Variants in CNTNAP2 observed in about 807,000 individuals in gnomAD.
CNTNAP2 encodes contactin-associated protein-like 2.
CNTNAP2 carries 98 observed loss-of-function variants against 155.2 expected under a neutral mutation model. The ratio of observed to expected loss-of-function variants is 0.63; its 90% CI spans 0.54 to 0.75. The LOEUF (loss-of-function observed/expected upper bound fraction) is 0.75. CNTNAP2 is among the 30% of genes least tolerant of loss of function. The probability of loss-of-function intolerance (pLI) is 0.00; values close to 1 mark genes in which losing one functional copy is unlikely to be tolerated. For synonymous variants in CNTNAP2, 651 were observed against 631.2 expected (o/e 1.03, Z -0.47); for missense variants, 1,727 against 1,688.1 (o/e 1.02, Z -0.40).
chr7:148,033,748 A>T (rs143550951), intron 15 of CNTNAP2, among the ~76,000 whole-genome samples: 2 of 152,224 alleles, frequency 1.3e-5, no homozygotes, highest in Non-Finnish European at 2.9e-5. Flanking sequence ...TGCATTTTTT[A>T]TAGTATGTGC....
chr7:147,208,294 A>G (rs1388622950), intron 8 of CNTNAP2, among the ~76,000 whole-genome samples: 4 of 152,014 alleles, frequency 2.6e-5, no homozygotes, highest in African/African-American at 4.8e-5. Context: ...GGTTTCCTAA[A>G]TTGTCAATAT....
intron 12 of CNTNAP2, among the ~76,000 whole-genome samples, chr7:147,564,969 A>G (rs529337363): frequency 1.3e-5 from 2 of 152,180 alleles, no homozygotes; most frequent in Non-Finnish European, 2.9e-5. Flanking sequence ...CTTTTCCTGG[A>G]AAGAATGTGG....
intron 11 of CNTNAP2, among the ~76,000 whole-genome samples, chr7:147,517,078 C>T (rs533269884): frequency 2.9e-4 from 44 of 151,420 alleles, no homozygotes; most frequent in African/African-American, 1.0e-3. Context: ...CCATGTTGGG[C>T]AGGCTGGTCT....
intron 3 of CNTNAP2, among the ~76,000 whole-genome samples, chr7:146,913,770 A>G (rs1203816571): frequency 1.3e-5 from 2 of 150,768 alleles, no homozygotes; most frequent in East Asian, 3.9e-4. Context: ...TTTTTTTTTC[A>G]ATAGGTTTTT....
chr7:146,208,886 A>G (rs1431095340), intron 1 of CNTNAP2: 3 of 152,138 alleles, frequency 2.0e-5, no homozygotes, highest in Non-Finnish European at 4.4e-5. Context: ...TCTTCATGAC[A>G]CATCCAAGAT....
At chr7:147,885,053 C>T (rs1306981757) in intron 13 of CNTNAP2, among the ~76,000 whole-genome samples, 1 of 152,162 alleles carries the variant, frequency 6.6e-6, no homozygotes, top group Non-Finnish European at 1.5e-5. Context: ...TGGAGAGTAA[C>T]AAGTATTGGG....
intron 10 of CNTNAP2, among the ~76,000 whole-genome samples, chr7:147,461,163 T>C (rs1024523670): frequency 3.3e-5 from 5 of 152,122 alleles, no homozygotes; most frequent in Non-Finnish European, 7.4e-5. Flanking sequence ...TTCACAGTAA[T>C]GACAAAAACA....
intron 8 of CNTNAP2, among the ~76,000 whole-genome samples, chr7:147,246,042 T>TGCATACATATATACACATATATATG (rs1804053847): frequency 9.4e-6 from 1 of 106,550 alleles, no homozygotes; most frequent in Non-Finnish European, 1.7e-5. Flanking sequence ...ACATATAACG[T>TGCATACATATATACACATATATATG]GCATATATAT....
intron 15 of CNTNAP2, among the ~76,000 whole-genome samples, chr7:148,045,083 G>A (rs999110581): frequency 2.0e-5 from 3 of 152,160 alleles, no homozygotes; most frequent in African/African-American, 7.2e-5. Context: ...TTGCTCAGGT[G>A]AGACAAAGAG....
chr7:148,078,509 T>C (rs1390359641), intron 15 of CNTNAP2, among the ~76,000 whole-genome samples: 12 of 151,542 alleles, frequency 7.9e-5, no homozygotes, highest in Admixed American at 7.9e-4. Context: ...AGGCCGAGTT[T>C]CATTTTTGTT....
rs148544951 is a variant in CNTNAP2 at position 147,139,849 on chromosome 7, T to C, written c.1348+7340T>C. 9.0e-4 allele frequency among the ~76,000 whole-genome samples: 137 copies of C among 152,172 alleles called. 1 individual carries two copies. Among genetic ancestry groups the C allele is most frequent in the South Asian group, 2.7e-3 (13 of 4,824 alleles). ...TTCATCAAGGTTTTTCACAAGAAAA[T>C]TTTGGGAGAGTCATTCAACATGCAT... On this transcript the variant is annotated intron_variant, in intron 8 of 23. Coordinates refer to ENST00000361727, the MANE Select transcript of CNTNAP2 (RefSeq NM_014141.6).
chr7:147,635,302 A>G (rs1795159632), intron 12 of CNTNAP2, among the ~76,000 whole-genome samples: 3 of 151,790 alleles, frequency 2.0e-5, no homozygotes, highest in African/African-American at 7.3e-5. Flanking sequence ...TTTTAAAACT[A>G]ACTTTGAGAC....
chr7:147,914,769 C>T (rs1800131053), intron 14 of CNTNAP2, among the ~76,000 whole-genome samples: 1 of 152,056 alleles, frequency 6.6e-6, no homozygotes, highest in Non-Finnish European at 1.5e-5. Context: ...CCAGGCTGGT[C>T]TCGAATTCCT....
At chr7:146,182,980 T>C (rs192396254) in intron 1 of CNTNAP2, among the ~76,000 whole-genome samples, 98 of 152,324 alleles carry the variant, frequency 6.4e-4, no homozygotes, top group African/African-American at 2.3e-3. Flanking sequence ...TTCTTGTTCC[T>C]TTATTTTATA....
At chr7:147,408,663 C>T (rs1239844424) in intron 10 of CNTNAP2, among the ~76,000 whole-genome samples, 1 of 152,138 alleles carries the variant, frequency 6.6e-6, no homozygotes, top group South Asian at 2.1e-4. Flanking sequence ...GAGGCTGAGG[C>T]AGGAGAATGG....
intron 8 of CNTNAP2, among the ~76,000 whole-genome samples, chr7:147,264,373 A>C (rs893329039): frequency 6.6e-6 from 1 of 152,006 alleles, no homozygotes; most frequent in Non-Finnish European, 1.5e-5. Context: ...CTTAGTGTCA[A>C]TGTGTTTTTA....
In CNTNAP2 at chr7:146,505,615, A is replaced by T. The variant is rs113182300; in HGVS notation, c.98-268656A>T. Reference sequence around the variant, plus strand: ...CCATATATTAAGTACCCAATGAGTGACATGTAAATCATACTATAGGCTCTC... The same window carrying T: ...CCATATATTAAGTACCCAATGAGTGTCATGTAAATCATACTATAGGCTCTC... On this transcript the variant is annotated intron_variant, in intron 1 of 23. Transcript: ENST00000361727. Among the ~76,000 whole-genome samples the T allele has an allele frequency of 3.9e-3, 599 of 152,344 alleles. 1 individual carries two copies. The highest frequency in any genetic ancestry group is 0.012 in the African/African-American group (507 of 41,578).
At position 148,139,733 on chromosome 7, in the gene CNTNAP2, G is replaced by GTT. The variant is rs201896431; in HGVS notation, c.2555-7756_2555-7755dup. Among the ~76,000 whole-genome samples the GTT allele has an allele frequency of 1.3e-3, 203 of 152,140 alleles. 2 individuals are homozygous for GTT. In the East Asian group the frequency reaches 0.027, roughly 20 times the overall value. ...TTTTTGTATTTCTAGTAGAGATGGGGTTTCACTATGTTGGCCAGGCTGGTC... is the reference window on the plus strand; with the variant it reads ...TTTTTGTATTTCTAGTAGAGATGGGGTTTTTCACTATGTTGGCCAGGCTGGTC... On this transcript the variant is annotated intron_variant, in intron 16 of 23. Coordinates refer to ENST00000361727, the MANE Select transcript of CNTNAP2 (RefSeq NM_014141.6).
At chr7:146,326,996 C>T (rs1289661222) in intron 1 of CNTNAP2, among the ~76,000 whole-genome samples, 1 of 152,034 alleles carries the variant, frequency 6.6e-6, no homozygotes. Context: ...AAAAATGGAA[C>T]TATTGCCCTG....
Sources: gnomAD v4.1 joint callset for allele counts (sites outside exome capture counted in the v4.1 genomes callset) on GRCh38, gnomAD v4.1.1 for gene constraint, MANE v1.5 for transcripts, NCBI Gene and HGNC (gene_info 2026-07-23, HGNC 2026-07-21) for gene names.